SLC41A3: variants seen among roughly 807,000 people sequenced by gnomAD.
SLC41A3 encodes solute carrier family 41 member 3, also known as SLC41A1-like 2.
Under a neutral mutation model 45.4 loss-of-function variants are expected in SLC41A3, and 44 were observed. That is an observed-to-expected ratio of 0.97 (90% confidence interval 0.76 to 1.25). The LOEUF is 1.25. SLC41A3 is among the 50% of genes most tolerant of loss of function. The probability of loss-of-function intolerance (pLI) is 0.00; values close to 1 mark genes in which losing one functional copy is unlikely to be tolerated. For missense variants in SLC41A3, 550 were observed against 600.6 expected (o/e 0.92, Z 0.88); for synonymous variants, 256 against 252.4 (o/e 1.01, Z -0.13).
chr3:126,054,390 C>G (rs1943527936), intron 2 of SLC41A3, among the ~76,000 whole-genome samples: 1 of 152,108 alleles, frequency 6.6e-6, no homozygotes, highest in African/African-American at 2.4e-5. Flanking sequence ...GTGTGCTCTC[C>G]TACGTGTCTA....
At chr3:126,068,270 T>A in intron 1 of SLC41A3, 24 bp from the exon 2 acceptor site, 1 of 1,472,578 alleles carries the variant, frequency 6.8e-7, no homozygotes, top group Non-Finnish European at 9.0e-7. Flanking sequence ...CACAAAGTTG[T>A]AGGGCCAAGT....
At chr3:126,046,769 C>T (rs1942986956) in intron 3 of SLC41A3, among the ~76,000 whole-genome samples, 1 of 150,902 alleles carries the variant, frequency 6.6e-6, no homozygotes, top group South Asian at 2.1e-4. Context: ...CAAGACCAGC[C>T]TGGCCAACAT....
chr3:126,049,619 G>A (rs1309120388), intron 3 of SLC41A3, among the ~76,000 whole-genome samples: 1 of 152,146 alleles, frequency 6.6e-6, no homozygotes, highest in Admixed American at 6.5e-5. Flanking sequence ...GTGTATACAT[G>A]AGTTGTGTGT....
chr3:126,049,906 T>C (rs1943211070), intron 3 of SLC41A3, among the ~76,000 whole-genome samples: 1 of 152,228 alleles, frequency 6.6e-6, no homozygotes, highest in Non-Finnish European at 1.5e-5. Context: ...TCTTGGCTCA[T>C]GGCCCTTCCT....
chr3:126,085,498 G>A (rs1024248631), upstream of SLC41A3: 1 of 152,182 alleles, frequency 6.6e-6, no homozygotes, highest in African/African-American at 2.4e-5. Context: ...CTTCTCCCCC[G>A]ATGGAACTGG....
At position 126,051,053 on chromosome 3, in the gene SLC41A3, G is replaced by A; in HGVS notation, c.274-3C>T. On this transcript the variant is annotated splice_region_variant and splice_polypyrimidine_tract_variant and intron_variant, in intron 2 of 10. Transcript: ENST00000360370. Reference sequence around the variant, plus strand: ...ACCTCCACAAACACAGGCCAGTGCTGGTAGGGAAACAGTAAGGAGATAAGC... The same window carrying A: ...ACCTCCACAAACACAGGCCAGTGCTAGTAGGGAAACAGTAAGGAGATAAGC... 1 of 1,594,842 alleles carries A rather than the reference G, an allele frequency of 6.3e-7. No homozygotes were observed. The highest frequency in any genetic ancestry group is 8.6e-7 in the Non-Finnish European group (1 of 1,169,362).
chr3:126,053,956 T>C (rs1943502247), intron 2 of SLC41A3, among the ~76,000 whole-genome samples: 1 of 152,202 alleles, frequency 6.6e-6, no homozygotes, highest in Non-Finnish European at 1.5e-5. Flanking sequence ...ACTGTAAAGA[T>C]GCCTATATCA....
At chr3:126,056,437 ATGG>A in intron 2 of SLC41A3, 1 of 1,614,208 alleles carries the variant, frequency 6.2e-7, no homozygotes, top group South Asian at 1.1e-5. Context: ...CTGGCACATG[ATGG>A]TGAAGAAAGA....
intron 2 of SLC41A3, among the ~76,000 whole-genome samples, chr3:126,055,912 G>A (rs1275856708): frequency 6.6e-6 from 1 of 152,136 alleles, no homozygotes; most frequent in Non-Finnish European, 1.5e-5. Context: ...TCTGCCCACA[G>A]GGACCACAGC....
intron 10 of SLC41A3, among the ~76,000 whole-genome samples, chr3:126,007,949 C>G (rs553539067): frequency 1.3e-5 from 2 of 152,262 alleles, no homozygotes; most frequent in African/African-American, 4.8e-5. Context: ...CTGCCCAACA[C>G]AGGCACCAGC....
chr3:126,059,314 G>GAAA (rs150520192), intron 2 of SLC41A3, among the ~76,000 whole-genome samples: 2 of 102,642 alleles, frequency 1.9e-5, no homozygotes, highest in East Asian at 3.2e-4. Context: ...AAGAAAGGAA[G>GAAA]GATGATCTGT....
Position 126,026,609 on chromosome 3 carries a change from T to C in SLC41A3, c.454-130A>G. ...CTGCCTCCTTTCCCTTACCCTAAAA[T>C]CTCACAGGCCCTCACCCCAGGAAAA... On this transcript the variant is annotated intron_variant, in intron 4 of 10. Coordinates refer to ENST00000360370, the MANE Select transcript of SLC41A3 (RefSeq NM_017836.4). The surrounding 1 kb of genome is among the most constrained non-coding windows in gnomAD (Gnocchi z 4.2). 1 of 1,238,722 alleles carries C rather than the reference T, an allele frequency of 8.1e-7. No homozygotes were observed. Among genetic ancestry groups the C allele is most frequent in the Non-Finnish European group, 1.1e-6 (1 of 895,624 alleles). 76.7% of individuals were successfully genotyped at this position (1,238,722 alleles called of 1,614,324 possible).
At chr3:126,095,086 C>T (rs1945568403) in intron 1 of SLC41A3, 1 of 532,034 alleles carries the variant, frequency 1.9e-6, no homozygotes. Context: ...AGCTGCAAAG[C>T]CAGAAGCAGA....
intron 1 of SLC41A3, among the ~76,000 whole-genome samples, chr3:126,069,211 C>A (rs1035552338): frequency 6.6e-6 from 1 of 151,984 alleles, no homozygotes; most frequent in Non-Finnish European, 1.5e-5. Context: ...CTAGGAAGGC[C>A]CCAAGTTTGT....
At position 126,071,772 on chromosome 3, in the gene SLC41A3, CT is replaced by C. The variant is rs59182198; in HGVS notation, c.-27-3527del. Among the ~76,000 whole-genome samples, 541 of 142,868 alleles carry C rather than the reference CT, an allele frequency of 3.8e-3. 2 individuals are homozygous for C. Among genetic ancestry groups the C allele is most frequent in the Middle Eastern group, 0.014 (4 of 286 alleles). The allele number at this position is 142,868 out of a possible 152,430, so 93.7% of individuals were successfully genotyped here. On this transcript the variant is annotated intron_variant, in intron 1 of 10. Transcript: ENST00000360370. Reference sequence around the variant, plus strand: ...TTATAAATATGCGGAAATTAAACAACTTTTTTTTTTTTTTTTGAGATAGGGT... The same window carrying C: ...TTATAAATATGCGGAAATTAAACAACTTTTTTTTTTTTTTTGAGATAGGGT...
chr3:126,048,418 T>G (rs1943105263), intron 3 of SLC41A3, among the ~76,000 whole-genome samples: 1 of 152,232 alleles, frequency 6.6e-6, no homozygotes, highest in African/African-American at 2.4e-5. Context: ...GAGACATGTT[T>G]ATGTATGTTC....
Position 126,051,006 on chromosome 3 carries a change from C to A in SLC41A3, c.318G>T (p.Val106=), listed in dbSNP as rs1198355605. The A allele has an allele frequency of 6.2e-7, 1 of 1,612,578 alleles. No individual in the cohort carries two copies. ...FVEVKDLLTL[V]PPLVGLKGNL... is the part of the protein sequence containing the mutation. ...TCCCCTTCAGGCCCACCAGGGGCGG[C>A]ACCAATGTCAAAAGGTCTTTCACCT... is the stretch of plus-strand genomic sequence containing the variant. Residue 106 remains valine (V), a synonymous_variant, in exon 3 of 11, where the codon GTG becomes GTT. Transcript: ENST00000360370.
intron 9 of SLC41A3, among the ~76,000 whole-genome samples, chr3:126,010,095 C>A (rs777826589): frequency 6.6e-6 from 1 of 152,212 alleles, no homozygotes. Context: ...CTGAATTGTC[C>A]TTTTTCTCTT....
intron 1 of SLC41A3, among the ~76,000 whole-genome samples, chr3:126,097,412 G>C (rs966997460): frequency 4.6e-5 from 7 of 152,150 alleles, no homozygotes; most frequent in Admixed American, 2.0e-4. Context: ...TGTGAAATTA[G>C]CATTCTTAGA....
Sources: allele counts gnomAD v4.1 joint callset (sites outside exome capture counted in the v4.1 genomes callset), GRCh38; gene constraint gnomAD v4.1.1; non-coding constraint Gnocchi (gnomAD v3.1); transcripts MANE v1.5; gene names NCBI Gene and HGNC (gene_info 2026-07-23, HGNC 2026-07-21).